Variants in PARVA observed in about 807,000 individuals in gnomAD.
PARVA encodes alpha-parvin.
In PARVA, 25 loss-of-function variants were observed where a neutral mutation model predicts 52.6. The observed-to-expected ratio is 0.48, with a 90% CI of 0.35 to 0.66. The LOEUF is 0.66. Among genes scored for constraint, PARVA ranks in the 30% least tolerant of loss-of-function variants. PARVA has a pLI of 0.01. For synonymous variants in PARVA, 185 were observed against 179.1 expected (o/e 1.03, Z -0.26); for missense variants, 373 against 450.9 (o/e 0.83, Z 1.56).
intron 1 of PARVA, among the ~76,000 whole-genome samples, chr11:12,415,423 G>A (rs1259627497): frequency 6.6e-6 from 1 of 152,116 alleles, no homozygotes; most frequent in African/African-American, 2.4e-5. Context: ...ACAATGAAGT[G>A]GTGTGGCCTT....
At chr11:12,483,630 G>A (rs1345158975) in intron 4 of PARVA, among the ~76,000 whole-genome samples, 1 of 152,166 alleles carries the variant, frequency 6.6e-6, no homozygotes, top group African/African-American at 2.4e-5. Context: ...GGCCAGAGAT[G>A]GCCATCAGTG....
At chr11:12,426,094 G>C (rs1193156754) in intron 1 of PARVA, among the ~76,000 whole-genome samples, 5 of 152,148 alleles carry the variant, frequency 3.3e-5, no homozygotes, top group African/African-American at 9.7e-5. Flanking sequence ...ACAGTACCGG[G>C]GGAGACGTAT....
chr11:12,390,683 C>A (rs968778769), intron 1 of PARVA, among the ~76,000 whole-genome samples: 4 of 152,168 alleles, frequency 2.6e-5, no homozygotes, highest in Admixed American at 2.6e-4. Flanking sequence ...TCCATTCTCC[C>A]ACACTTGAGA....
At chr11:12,428,304 G>A (rs1300833547) in intron 1 of PARVA, among the ~76,000 whole-genome samples, 1 of 152,114 alleles carries the variant, frequency 6.6e-6, no homozygotes, top group African/African-American at 2.4e-5. Context: ...TCCATATAGA[G>A]TCTCTCATAT....
At chr11:12,467,002 A>G (rs1171412626) in intron 1 of PARVA, among the ~76,000 whole-genome samples, 5 of 152,230 alleles carry the variant, frequency 3.3e-5, no homozygotes, top group Admixed American at 6.5e-5. Flanking sequence ...TAAGTTTTCC[A>G]GTCCATGAAC....
Position 12,528,396 on chromosome 11 carries a change from T to C in PARVA, c.*471T>C, listed in dbSNP as rs941132591. 2 of 158,046 alleles carry C rather than the reference T, an allele frequency of 1.3e-5. No individual in the cohort carries two copies. Among genetic ancestry groups the C allele is most frequent in the Admixed American group, 6.1e-5 (1 of 16,344 alleles). 9.8% of individuals were successfully genotyped at this position (158,046 alleles called of 1,614,324 possible). ...TTTTACAGATGAGGAAACTAAGGCT[T>C]GGAGGTTAAATGACTTGCCAGAAGT... On this transcript the variant is annotated 3_prime_UTR_variant, in exon 13 of 13. Transcript: ENST00000334956.
At chr11:12,462,243 CT>C (rs1339001882) in intron 1 of PARVA, among the ~76,000 whole-genome samples, 1 of 152,152 alleles carries the variant, frequency 6.6e-6, no homozygotes, top group African/African-American at 2.4e-5. Context: ...AAATATGTTA[CT>C]TTATGTGGCA....
intron 1 of PARVA, among the ~76,000 whole-genome samples, chr11:12,465,007 C>T (rs945686657): frequency 9.2e-5 from 14 of 152,170 alleles, no homozygotes; most frequent in Admixed American, 9.2e-4. Context: ...GCACAATTCA[C>T]AATAGGGTTT....
At chr11:12,405,424 G>A (rs1338507875) in intron 1 of PARVA, among the ~76,000 whole-genome samples, 1 of 152,138 alleles carries the variant, frequency 6.6e-6, no homozygotes, top group Non-Finnish European at 1.5e-5. Flanking sequence ...GAAAAGCCAG[G>A]AGTGTTGCCT....
chr11:12,517,999 A>T (rs921555148), intron 11 of PARVA, among the ~76,000 whole-genome samples: 2 of 152,164 alleles, frequency 1.3e-5, no homozygotes, highest in African/African-American at 4.8e-5. Context: ...CAGAGATGAC[A>T]AGGAAAGTGA....
chr11:12,421,190 A>G (rs909381075), intron 1 of PARVA, among the ~76,000 whole-genome samples: 2 of 152,092 alleles, frequency 1.3e-5, no homozygotes, highest in South Asian at 2.1e-4. Flanking sequence ...CAGCTACAAA[A>G]AGTTGCACAG....
At chr11:12,390,224 A>G (rs1270114319) in intron 1 of PARVA, among the ~76,000 whole-genome samples, 2 of 152,196 alleles carry the variant, frequency 1.3e-5, no homozygotes, top group Non-Finnish European at 2.9e-5. Flanking sequence ...CCAATTCAAA[A>G]CGATTATTCT....
At chr11:12,495,267 T>G (rs1418103359) in intron 4 of PARVA, among the ~76,000 whole-genome samples, 1 of 152,174 alleles carries the variant, frequency 6.6e-6, no homozygotes, top group African/African-American at 2.4e-5. Context: ...CTTAAAAAAA[T>G]TCGCAAATCC....
chr11:12,443,734 C>A, intron 1 of PARVA, among the ~76,000 whole-genome samples: 1 of 152,078 alleles, frequency 6.6e-6, no homozygotes, highest in South Asian at 2.1e-4. Context: ...TGGATGGAAA[C>A]AGGTGTAGCA....
chr11:12,409,891 C>T (rs1812584423), intron 1 of PARVA, among the ~76,000 whole-genome samples: 1 of 152,254 alleles, frequency 6.6e-6, no homozygotes, highest in African/African-American at 2.4e-5. Flanking sequence ...TTACCCTTGA[C>T]CCATGCAATT....
intron 1 of PARVA, among the ~76,000 whole-genome samples, chr11:12,396,643 C>T (rs61875444): frequency 0.083 from 12,698 of 152,232 alleles, 670 homozygotes; most frequent in African/African-American, 0.14. Context: ...AAATAGGATC[C>T]CCTGCCAGGC....
intron 1 of PARVA, 96 bp downstream of exon 1, chr11:12,377,879 C>T (rs1939424140): frequency 4.8e-6 from 4 of 825,130 alleles, no homozygotes; most frequent in Admixed American, 4.8e-5. Flanking sequence ...GAGCGCGCCG[C>T]GGGTGCCCGG....
intron 1 of PARVA, among the ~76,000 whole-genome samples, chr11:12,425,013 C>T (rs1288277726): frequency 1.3e-5 from 2 of 152,168 alleles, no homozygotes; most frequent in Non-Finnish European, 2.9e-5. Context: ...CATGCTCTGT[C>T]TCCCCCTCTT....
chr11:12,473,661 C>A, intron 1 of PARVA, 84 bp from the exon 2 acceptor site: 1 of 1,004,268 alleles, frequency 1.0e-6, no homozygotes, highest in Non-Finnish European at 1.5e-6. Context: ...TTCTCAATGT[C>A]AATATCGAAC....
Sources: gnomAD v4.1 joint callset for allele counts (sites outside exome capture counted in the v4.1 genomes callset) on GRCh38, gnomAD v4.1.1 for gene constraint, MANE v1.5 for transcripts, NCBI Gene and HGNC (gene_info 2026-07-23, HGNC 2026-07-21) for gene names.